SGSM1: variants seen among roughly 807,000 people sequenced by gnomAD.
The protein encoded by SGSM1 is small G protein signaling modulator 1.
Under a neutral mutation model 133.8 loss-of-function variants are expected in SGSM1, and 73 were observed. That is an observed-to-expected ratio of 0.55 (90% CI 0.45 to 0.66). The LOEUF (loss-of-function observed/expected upper bound fraction) is 0.66, where lower values mean the gene tolerates loss of function less well. SGSM1 is among the 30% of genes least tolerant of loss of function. The pLI is 0.00. For missense variants in SGSM1, 1,213 were observed against 1,448.1 expected (o/e 0.84, Z 2.64); for synonymous variants, 563 against 573.0 (o/e 0.98, Z 0.25).
intron 2 of SGSM1, among the ~76,000 whole-genome samples, chr22:24,824,984 C>T (rs775578563): frequency 5.9e-5 from 9 of 152,158 alleles, no homozygotes; most frequent in Non-Finnish European, 1.0e-4. Flanking sequence ...ATATTGAGTG[C>T]ATGAATGACA....
intron 14 of SGSM1, among the ~76,000 whole-genome samples, chr22:24,881,703 A>C (rs994661144): frequency 4.6e-5 from 7 of 152,260 alleles, no homozygotes; most frequent in African/African-American, 1.4e-4. Context: ...CATCATCATC[A>C]TCCTCCTCCT....
intron 2 of SGSM1, among the ~76,000 whole-genome samples, chr22:24,808,337 G>C (rs986842300): frequency 2.6e-5 from 4 of 151,934 alleles, no homozygotes; most frequent in African/African-American, 9.7e-5. Context: ...GGATGGTCTC[G>C]ATCTCCTGAC....
chr22:24,876,817 C>T (rs752587862), intron 13 of SGSM1, 102 bp downstream of exon 13: 16 of 1,478,806 alleles, frequency 1.1e-5, no homozygotes, highest in Non-Finnish European at 1.5e-5. Context: ...TGAGCATAAC[C>T]TGCGGACTCA....
At chr22:24,842,213 G>A (rs926979176) in intron 2 of SGSM1, among the ~76,000 whole-genome samples, 1 of 152,122 alleles carries the variant, frequency 6.6e-6, no homozygotes. Context: ...AGAGAGGTGT[G>A]CAAACGCTCT....
At position 24,893,633 on chromosome 22, in the gene SGSM1, G is replaced by A. The variant is rs371826780; in HGVS notation, c.1953+20G>A. ...AATGAGGTGATGGGCGGCTGGCCTC[G>A]GGGAGCGCGGGGGCTGGGGAAGGTC... On this transcript the variant is annotated intron_variant, in intron 17 of 24. Coordinates refer to ENST00000400358, the MANE Select transcript of SGSM1 (RefSeq NM_001098497.3). 9.1e-5 allele frequency: 140 copies of A among 1,536,338 alleles called. No homozygotes were observed. The highest frequency in any genetic ancestry group is 1.1e-4 in the Non-Finnish European group (129 of 1,142,822).
intron 18 of SGSM1, among the ~76,000 whole-genome samples, chr22:24,896,409 C>T (rs1450676793): frequency 1.3e-5 from 2 of 152,072 alleles, no homozygotes; most frequent in Non-Finnish European, 2.9e-5. Context: ...GACATAACCA[C>T]ACAGGGAAGA....
At chr22:24,836,305 A>T (rs79193469) in intron 2 of SGSM1, among the ~76,000 whole-genome samples, 4 of 152,224 alleles carry the variant, frequency 2.6e-5, no homozygotes, top group African/African-American at 9.6e-5. Context: ...AAGGCTGGAT[A>T]GTATTCCATT....
At chr22:24,810,435 C>G (rs1386034338) in intron 2 of SGSM1, among the ~76,000 whole-genome samples, 1 of 151,780 alleles carries the variant, frequency 6.6e-6, no homozygotes, top group Non-Finnish European at 1.5e-5. Flanking sequence ...CTGACCAGCT[C>G]TATCTTGGCT....
intron 12 of SGSM1, chr22:24,874,422 C>T (rs759357168): frequency 6.2e-6 from 10 of 1,609,298 alleles, no homozygotes; most frequent in African/African-American, 4.0e-5. Context: ...AAGTTGCCCC[C>T]GACTTCTTGG....
intron 24 of SGSM1, among the ~76,000 whole-genome samples, chr22:24,921,205 T>G (rs1355696196): frequency 1.3e-5 from 2 of 152,150 alleles, no homozygotes; most frequent in African/African-American, 4.8e-5. Flanking sequence ...GTTCAAGTGA[T>G]TCTCCCGCCT....
In SGSM1 at chr22:24,868,788, C is replaced by G; in HGVS notation, c.1224C>G (p.Asp408Glu). The part of the protein sequence containing the change: ...PQGSAESTSS[D>E]KDDDEATDYV... ...GTTCTGCCGAGTCCACATCTTCAGACAAAGATGATGATGAGGCCACGGATT... is the reference window on the plus strand; with the variant it reads ...GTTCTGCCGAGTCCACATCTTCAGAGAAAGATGATGATGAGGCCACGGATT... Residue 408 changes from aspartate to glutamate, a missense_variant, in exon 12 of 25, where the codon GAC becomes GAG. Coordinates refer to ENST00000400358, the MANE Select transcript of SGSM1 (RefSeq NM_001098497.3). The G allele has an allele frequency of 1.2e-6, 2 of 1,613,996 alleles. No homozygotes were observed. The highest frequency in any genetic ancestry group is 1.7e-6 in the Non-Finnish European group (2 of 1,179,888).
chr22:24,915,524 C>T (rs1933792407), intron 22 of SGSM1, among the ~76,000 whole-genome samples: 2 of 152,106 alleles, frequency 1.3e-5, no homozygotes, highest in East Asian at 1.9e-4. Flanking sequence ...GATCGAGCAT[C>T]CCATTGTGAT....
Position 24,904,777 on chromosome 22 carries a change from G to A in SGSM1, c.2736-328G>A, listed in dbSNP as rs182983665. On this transcript the variant is annotated intron_variant, in intron 20 of 24. Transcript: ENST00000400358. Reference sequence around the variant, plus strand: ...GCTGGAGAGGAAGACAGTGGGAAGCGATGTTTGAGGCTGTGAAGATGAGTT... The same window carrying A: ...GCTGGAGAGGAAGACAGTGGGAAGCAATGTTTGAGGCTGTGAAGATGAGTT... Among the ~76,000 whole-genome samples, 605 of 152,210 alleles carry A rather than the reference G, an allele frequency of 4.0e-3. 3 individuals carry two copies. Among genetic ancestry groups the A allele is most frequent in the Non-Finnish European group, 5.9e-3 (399 of 68,000 alleles).
At chr22:24,912,054 T>TA (rs747171190) in intron 21 of SGSM1, among the ~76,000 whole-genome samples, 2,764 of 90,450 alleles carry the variant, frequency 0.031, 92 homozygotes, top group African/African-American at 0.11. Flanking sequence ...GATTCTGTCT[T>TA]AAAAAAAAAG....
intron 16 of SGSM1, among the ~76,000 whole-genome samples, chr22:24,891,954 T>C (rs1254506452): frequency 6.6e-6 from 1 of 151,594 alleles, no homozygotes; most frequent in Non-Finnish European, 1.5e-5. Flanking sequence ...AAGGGCATGG[T>C]GGGTGTGAGT....
At chr22:24,911,510 G>A (rs2123733720) in intron 21 of SGSM1, among the ~76,000 whole-genome samples, 1 of 152,142 alleles carries the variant, frequency 6.6e-6, no homozygotes, top group South Asian at 2.1e-4. Context: ...TCCAAAAAGT[G>A]CAGTATGGAA....
At chr22:24,841,339 A>T (rs186972835) in intron 2 of SGSM1, among the ~76,000 whole-genome samples, 196 of 152,096 alleles carry the variant, frequency 1.3e-3, no homozygotes, top group African/African-American at 4.3e-3. Flanking sequence ...TCTCATTTTT[A>T]AAAAAAATGT....
chr22:24,920,597 T>C (rs1028151497), intron 24 of SGSM1, among the ~76,000 whole-genome samples: 5 of 152,112 alleles, frequency 3.3e-5, no homozygotes, highest in Non-Finnish European at 7.4e-5. Flanking sequence ...ACCTGGCTCA[T>C]AGGAGGGACC....
At chr22:24,899,381 C>G (rs764059732) in intron 19 of SGSM1, among the ~76,000 whole-genome samples, 1 of 152,108 alleles carries the variant, frequency 6.6e-6, no homozygotes, top group African/African-American at 2.4e-5. Flanking sequence ...CCTGATGTGT[C>G]ATTATCATTC....
Sources: gnomAD v4.1 joint callset for allele counts (sites outside exome capture counted in the v4.1 genomes callset) on GRCh38, gnomAD v4.1.1 for gene constraint, MANE v1.5 for transcripts, NCBI Gene and HGNC (gene_info 2026-07-23, HGNC 2026-07-21) for gene names.